Variants in NOB1 observed in about 807,000 individuals in gnomAD.
The protein encoded by NOB1 is NIN1 (RPN12) binding protein 1 homolog.
Under a neutral mutation model 44.8 loss-of-function variants are expected in NOB1, and 44 were observed. That is an observed-to-expected ratio of 0.98 (90% CI 0.77 to 1.26). The LOEUF is 1.26. Ranked by LOEUF, NOB1 falls within the 50% of genes most tolerant of loss-of-function variation. NOB1 has a pLI of 0.00. For synonymous variants in NOB1, 238 were observed against 218.7 expected, an observed-to-expected ratio of 1.09 and a Z score of -0.78; for missense variants, 560 against 544.8, an observed-to-expected ratio of 1.03 and a Z score of -0.28.
chr16:69,750,643 C>A (rs954419807), intron 3 of NOB1, among the ~76,000 whole-genome samples: 9 of 151,960 alleles, frequency 5.9e-5, no homozygotes, highest in African/African-American at 2.2e-4. Context: ...TACAAACAAA[C>A]AAACAAACAA....
intron 3 of NOB1, among the ~76,000 whole-genome samples, chr16:69,749,959 C>T (rs912917178): frequency 7.6e-6 from 1 of 130,846 alleles, no homozygotes; most frequent in Admixed American, 8.0e-5. Context: ...GCCTGGGGAA[C>T]AAAAATGAGA....
intron 2 of NOB1, 66 bp from the exon 3 acceptor site, chr16:69,752,437 G>C (rs1423252307): frequency 1.3e-6 from 2 of 1,538,130 alleles, no homozygotes; most frequent in East Asian, 2.3e-5. Context: ...ATAACCAATG[G>C]AAGTATCAAA....
intron 7 of NOB1, among the ~76,000 whole-genome samples, chr16:69,745,218 G>A (rs942938296): frequency 6.6e-6 from 1 of 152,170 alleles, no homozygotes; most frequent in African/African-American, 2.4e-5. Context: ...ACCACAGGAG[G>A]GGCAGGTAAG....
chr16:69,754,682 C>A lies in NOB1; in HGVS notation c.108G>T (p.Glu36Asp), dbSNP rs2038510746. The change falls in exon 2 of 9, where the codon GAG becomes GAT. Residue 36 changes from glutamate to aspartate, a missense_variant. Transcript: ENST00000268802. ...GCCTGCGTGTGGCCTTGTCCCGAAT[C>A]TCAGTGACCACCTCCCGGATGGTGT... The part of the protein sequence containing the change: ...NIYTIREVVT[E>D]IRDKATRRRL... The A allele has an allele frequency of 6.2e-7, 1 of 1,614,238 alleles. No individual in the cohort carries two copies. The highest frequency in any genetic ancestry group is 8.5e-7 in the Non-Finnish European group (1 of 1,180,054).
At chr16:69,749,749 G>T in intron 3 of NOB1, 119 bp from the exon 4 acceptor site, 1 of 684,254 alleles carries the variant, frequency 1.5e-6, no homozygotes, top group Non-Finnish European at 2.4e-6. Flanking sequence ...AGGCCGAGGT[G>T]GGCGGATCAC....
chr16:69,751,912 A>C (rs936463787), intron 3 of NOB1, among the ~76,000 whole-genome samples: 3 of 152,166 alleles, frequency 2.0e-5, no homozygotes, highest in African/African-American at 7.2e-5. Context: ...AAATACAAAA[A>C]TTAGCCGGGT....
chr16:69,748,513 C>CGGT (rs2038453055), intron 6 of NOB1, among the ~76,000 whole-genome samples, 184 bp from the exon 7 acceptor site: 1 of 152,096 alleles, frequency 6.6e-6, no homozygotes, highest in East Asian at 1.9e-4. Context: ...TTTCTAACAC[C>CGGT]GTCCTGGAGC....
At chr16:69,750,155 C>G (rs1160328389) in intron 3 of NOB1, among the ~76,000 whole-genome samples, 1 of 151,764 alleles carries the variant, frequency 6.6e-6, no homozygotes, top group African/African-American at 2.4e-5. Context: ...AGGTGTGCGC[C>G]ACCATGCCCC....
At chr16:69,745,076 A>G in intron 7 of NOB1, 59 bp from the exon 8 acceptor site, 1 of 1,593,818 alleles carries the variant, frequency 6.3e-7, no homozygotes, top group Non-Finnish European at 8.6e-7. Flanking sequence ...ACGCCTCCCC[A>G]GAGCACAAGG....
rs571647697 is a variant in NOB1, at chr16:69,748,599, T to C, written c.727-270A>G. The stretch of plus-strand genomic sequence containing the variant: ...CATTTTATTTTGTCTGGGCCAAATA[T>C]ACTCATTGCTGGGCTGAAAACCCTC... On this transcript the variant is annotated intron_variant, in intron 6 of 8. Coordinates refer to ENST00000268802, the MANE Select transcript of NOB1 (RefSeq NM_014062.3). The C allele has an allele frequency of 2.1e-5, 11 of 531,546 alleles. 1 individual carries two copies. The East Asian group carries it at 3.4e-4, about 17-fold the overall frequency. 32.9% of individuals were successfully genotyped at this position (531,546 alleles called of 1,614,324 possible).
rs201492781 is a variant in NOB1 at position 69,747,115 on chromosome 16, G to A, written c.824+1117C>T. Among the ~76,000 whole-genome samples, 24 of 147,092 alleles carry A rather than the reference G, an allele frequency of 1.6e-4. No homozygotes were observed. In the East Asian group the frequency reaches 3.4e-3, roughly 21 times the overall value. ...TGGGTGCCTGTAGTCCCAGCTACTC[G>A]GAGGCTGAGGCAGGAGAATCGCTTG... On this transcript the variant is annotated intron_variant, in intron 7 of 8. Transcript: ENST00000268802.
At position 69,749,340 on chromosome 16, in the gene NOB1, T is replaced by C; in HGVS notation, c.400-2A>G. 6.3e-7 allele frequency: 1 copy of C among 1,582,298 alleles called. No homozygotes were observed. Among genetic ancestry groups the C allele is most frequent in the Non-Finnish European group, 8.5e-7 (1 of 1,171,004 alleles). ...TTCTGTTTCTTGTGGGGGTTTAGGCTGAAATTAAAAGAAACAATTTTAAAA... is the reference window on the plus strand; with the variant it reads ...TTCTGTTTCTTGTGGGGGTTTAGGCCGAAATTAAAAGAAACAATTTTAAAA... On this transcript the variant is annotated splice_acceptor_variant, in intron 4 of 8. Transcript: ENST00000268802. LOFTEE classifies it high-confidence loss of function.
chr16:69,747,114 C>T (rs1372210714), intron 7 of NOB1, among the ~76,000 whole-genome samples: 3 of 135,116 alleles, frequency 2.2e-5, no homozygotes, highest in Admixed American at 7.9e-5. Flanking sequence ...CCCAGCTACT[C>T]GGAGGCTGAG....
Position 69,742,463 on chromosome 16 carries a change from C to G in NOB1, c.1108G>C (p.Val370Leu). Residue 370 changes from valine (V) to leucine (L), a missense_variant, in exon 9 of 9, where the codon GTG becomes CTG. By Grantham distance (32) the Val-to-Leu change is conservative. Transcript: ENST00000268802. ...ATGTCATTCTCGACAAAGGGTGACA[C>G]CCCGGCGATGTAGTCAGGGGCGAAC... ...NVFAPDYIAG[V>L]SPFVENDISS... 1.9e-6 allele frequency: 3 copies of G among 1,614,246 alleles called. No individual in the cohort carries two copies. The South Asian group carries it at 3.3e-5, about 18-fold the overall frequency.
intron 7 of NOB1, among the ~76,000 whole-genome samples, chr16:69,747,186 A>T (rs112418334): frequency 0.077 from 10,788 of 140,378 alleles, 457 homozygotes; most frequent in Middle Eastern, 0.13. Flanking sequence ...GTGCCACTGC[A>T]CTCCAGCCTG....
At chr16:69,748,171 A>G in intron 7 of NOB1, 61 bp downstream of exon 7, 3 of 1,341,634 alleles carry the variant, frequency 2.2e-6, no homozygotes, top group Non-Finnish European at 3.2e-6. Flanking sequence ...TCTCAAAACA[A>G]AAAAAGAAAC....
chr16:69,746,876 C>T (rs2038435949), intron 7 of NOB1, among the ~76,000 whole-genome samples: 1 of 151,066 alleles, frequency 6.6e-6, no homozygotes, highest in African/African-American at 2.4e-5. Context: ...CACTGCTCTC[C>T]AGGCAACAGA....
At chr16:69,748,452 G>C (rs1452325422) in intron 6 of NOB1, 123 bp from the exon 7 acceptor site, 1 of 770,488 alleles carries the variant, frequency 1.3e-6, no homozygotes, top group African/African-American at 1.8e-5. Flanking sequence ...AGGAAACTCA[G>C]CCTGGGGAGG....
At position 69,744,814 on chromosome 16, in the gene NOB1, G is replaced by A. The variant is rs1022712914; in HGVS notation, c.969+59C>T. ...AAACGACTAGACTAGGTTTTCTTTT[G>A]TCCTTTCTGTTCTTTTTCACTCTGG... is the stretch of plus-strand genomic sequence containing the variant. On this transcript the variant is annotated intron_variant, in intron 8 of 8. Coordinates refer to ENST00000268802, the MANE Select transcript of NOB1 (RefSeq NM_014062.3). The A allele has an allele frequency of 9.8e-5, 154 of 1,571,914 alleles. No homozygotes were observed. The African/African-American group carries it at 1.9e-3, about 20-fold the overall frequency.
Sources: allele counts gnomAD v4.1 joint callset (sites outside exome capture counted in the v4.1 genomes callset), GRCh38; gene constraint gnomAD v4.1.1; transcripts MANE v1.5; gene names NCBI Gene and HGNC (gene_info 2026-07-23, HGNC 2026-07-21).